The following MAP4K3 variants were observed in gnomAD, a reference collection of about 807,000 sequenced individuals.
MAP4K3 encodes the protein MAPK/ERK kinase kinase kinase 3.
Under a neutral mutation model 143.5 loss-of-function variants are expected in MAP4K3, and 94 were observed. The ratio of observed to expected loss-of-function variants is 0.65; its 90% CI spans 0.55 to 0.78. The LOEUF (loss-of-function observed/expected upper bound fraction) is 0.78, where lower values mean the gene tolerates loss of function less well. Among genes scored for constraint, MAP4K3 ranks in the 30% least tolerant of loss-of-function variants. MAP4K3 has a pLI of 0.00. For synonymous variants in MAP4K3, 416 were observed against 347.2 expected, an observed-to-expected ratio of 1.20 and a Z score of -2.20; for missense variants, 1,077 against 1,068.1, an observed-to-expected ratio of 1.01 and a Z score of -0.12.
In MAP4K3 at chr2:39,250,561, A is replaced by G. The variant is rs557010125; in HGVS notation, c.*57T>C. 1.4e-6 allele frequency: 2 copies of G among 1,460,628 alleles called. No individual in the cohort carries two copies. The highest frequency in any genetic ancestry group is 1.2e-5 in the South Asian group (1 of 86,142). The allele number at this position is 1,460,628 out of a possible 1,614,324, so 90.5% of individuals were successfully genotyped here. On this transcript the variant is annotated 3_prime_UTR_variant, in exon 34 of 34. Transcript: ENST00000263881. The stretch of plus-strand genomic sequence containing the variant: ...TTTGTACAGCTTCAAGCATCCATTA[A>G]TGTTGCAGTGGTAGTGTTCTTTCTT...
intron 16 of MAP4K3, among the ~76,000 whole-genome samples, chr2:39,295,873 C>G (rs7605427): frequency 0.67 from 100,973 of 151,828 alleles, 37,427 homozygotes; most frequent in Non-Finnish European, 0.82. Flanking sequence ...CGTGCACCAC[C>G]ATGCCCGGCT....
intron 21 of MAP4K3, among the ~76,000 whole-genome samples, chr2:39,284,012 G>C (rs1681655536): frequency 6.6e-6 from 1 of 152,096 alleles, no homozygotes; most frequent in African/African-American, 2.4e-5. Context: ...ATACTTTGTA[G>C]ATATATTTTT....
chr2:39,273,642 A>T (rs906840412), intron 24 of MAP4K3, among the ~76,000 whole-genome samples: 2 of 152,244 alleles, frequency 1.3e-5, no homozygotes, highest in Non-Finnish European at 2.9e-5. Flanking sequence ...TAATAATAAA[A>T]GGGAGGAGAA....
Position 39,326,238 on chromosome 2 carries a change from A to AC in MAP4K3, c.569dup (p.Tyr191LeufsTer6). On this transcript the variant is annotated frameshift_variant, in exon 9 of 34. Transcript: ENST00000263881. LOFTEE classifies it high-confidence loss of function. ...CCCAGAGATCACAGAGTTGATTGTAACCCCCCTTCCTCTCAACAGCTGCAA... is the reference window on the plus strand; with the variant it reads ...CCCAGAGATCACAGAGTTGATTGTAACCCCCCCTTCCTCTCAACAGCTGCAA... The AC allele has an allele frequency of 1.2e-6, 2 of 1,613,378 alleles. No individual in the cohort carries two copies. Among genetic ancestry groups the AC allele is most frequent in the Non-Finnish European group, 1.7e-6 (2 of 1,179,542 alleles).
intron 16 of MAP4K3, among the ~76,000 whole-genome samples, chr2:39,295,963 C>G (rs1448167274): frequency 5.3e-5 from 8 of 152,216 alleles, no homozygotes; most frequent in African/African-American, 1.9e-4. Context: ...AAGTGATCCA[C>G]CCGCCTTGGC....
chr2:39,433,488 G>A (rs964889891), intron 1 of MAP4K3, among the ~76,000 whole-genome samples: 10 of 152,290 alleles, frequency 6.6e-5, no homozygotes, highest in African/African-American at 2.2e-4. Flanking sequence ...CACAATGCAT[G>A]TGAAAATCAT....
At chr2:39,436,844 G>A in intron 1 of MAP4K3, 48 bp downstream of exon 1, 2 of 1,526,900 alleles carry the variant, frequency 1.3e-6, no homozygotes, top group African/African-American at 1.4e-5. Flanking sequence ...AGGCTTGGCT[G>A]CGGGTCGGGA....
At chr2:39,435,198 G>C (rs914116214) in intron 1 of MAP4K3, among the ~76,000 whole-genome samples, 4 of 135,890 alleles carry the variant, frequency 2.9e-5, no homozygotes, top group African/African-American at 1.0e-4. Context: ...TTCTTACCTA[G>C]ACTATCACAG....
intron 1 of MAP4K3, among the ~76,000 whole-genome samples, chr2:39,423,739 T>A (rs922781389): frequency 6.6e-6 from 1 of 152,154 alleles, no homozygotes; most frequent in Non-Finnish European, 1.5e-5. Flanking sequence ...AGTAAAAAGA[T>A]CAGTGGCTGC....
chr2:39,299,376 C>G (rs1377212058), intron 16 of MAP4K3, among the ~76,000 whole-genome samples: 3 of 152,030 alleles, frequency 2.0e-5, no homozygotes, highest in Non-Finnish European at 4.4e-5. Flanking sequence ...ATGAATAATT[C>G]CAGCTGTTTT....
chr2:39,388,730 T>C (rs578261373), intron 1 of MAP4K3, among the ~76,000 whole-genome samples: 6 of 152,292 alleles, frequency 3.9e-5, no homozygotes, highest in South Asian at 2.1e-4. Flanking sequence ...CAGTAGAGCA[T>C]AGGGTTAAAA....
At chr2:39,386,074 G>C (rs886664375) in intron 1 of MAP4K3, among the ~76,000 whole-genome samples, 4 of 152,212 alleles carry the variant, frequency 2.6e-5, no homozygotes, top group Non-Finnish European at 5.9e-5. Context: ...ACTATATTCA[G>C]AGGAAGGGCA....
At chr2:39,319,143 C>G (rs187290848) in intron 12 of MAP4K3, among the ~76,000 whole-genome samples, 44 of 152,226 alleles carry the variant, frequency 2.9e-4, no homozygotes, top group Non-Finnish European at 7.4e-5. Context: ...AGAACTCCTA[C>G]AAGCAAATGC....
intron 1 of MAP4K3, among the ~76,000 whole-genome samples, chr2:39,394,838 A>C (rs1666761467): frequency 6.6e-6 from 1 of 152,072 alleles, no homozygotes; most frequent in South Asian, 2.1e-4. Flanking sequence ...AGTTTCTATC[A>C]CCCTTTGTCA....
intron 29 of MAP4K3, among the ~76,000 whole-genome samples, chr2:39,259,241 T>C (rs1680465005): frequency 6.6e-6 from 1 of 152,192 alleles, no homozygotes; most frequent in Admixed American, 6.5e-5. Context: ...CTATGGTCTT[T>C]GTGTCAACCT....
At chr2:39,364,646 T>C (rs539432127) in intron 2 of MAP4K3, among the ~76,000 whole-genome samples, 1 of 152,316 alleles carries the variant, frequency 6.6e-6, no homozygotes, top group African/African-American at 2.4e-5. Flanking sequence ...GGTGGGTGGA[T>C]CACCTGAGGC....
intron 12 of MAP4K3, among the ~76,000 whole-genome samples, chr2:39,316,376 A>G (rs1683113077): frequency 6.6e-6 from 1 of 152,106 alleles, no homozygotes; most frequent in Admixed American, 6.6e-5. Flanking sequence ...AAAACTGATA[A>G]CTAACTCAAG....
At chr2:39,269,516 C>T (rs1167643873) in intron 26 of MAP4K3, among the ~76,000 whole-genome samples, 2 of 125,120 alleles carry the variant, frequency 1.6e-5, no homozygotes, top group Non-Finnish European at 3.1e-5. Context: ...ACTCTGTTGC[C>T]CAGGATGGAG....
At chr2:39,261,033 T>C in intron 28 of MAP4K3, 1 of 309,078 alleles carries the variant, frequency 3.2e-6, no homozygotes, top group East Asian at 7.7e-5. Flanking sequence ...TGTCCAACCC[T>C]CTCTTTTCAG....
Sources: gnomAD v4.1 joint callset for allele counts (sites outside exome capture counted in the v4.1 genomes callset) on GRCh38, gnomAD v4.1.1 for gene constraint, MANE v1.5 for transcripts, NCBI Gene and HGNC (gene_info 2026-07-23, HGNC 2026-07-21) for gene names.